Variants in NHSL2 observed in about 807,000 individuals in gnomAD.
NHSL2 encodes the protein NHS-like protein 2.
In NHSL2, 27 loss-of-function variants were observed where a neutral mutation model predicts 53.4. The ratio of observed to expected loss-of-function variants is 0.51; its 90% CI spans 0.37 to 0.70. The LOEUF is 0.70. NHSL2 is among the 30% of genes least tolerant of loss of function. The probability of loss-of-function intolerance (pLI) is 0.00; values close to 1 mark genes in which losing one functional copy is unlikely to be tolerated. For missense variants in NHSL2, 892 were observed against 980.1 expected, an observed-to-expected ratio of 0.91 and a Z score of 1.20; for synonymous variants, 408 against 404.1, an observed-to-expected ratio of 1.01 and a Z score of -0.12.
chrX:72,131,578 G>C, intron 1 of NHSL2: 1 of 1,138,170 alleles, frequency 8.8e-7, no homozygotes. Context: ...CCGTGGTGGG[G>C]AAAGGGGAAC....
chrX:71,938,319 C>T (rs1250641207), intron 1 of NHSL2, among the ~76,000 whole-genome samples: 1 of 112,122 alleles, frequency 8.9e-6, no homozygotes, highest in Non-Finnish European at 1.9e-5. Flanking sequence ...CAGCCAGAGC[C>T]CCCTTCCCCT....
At chrX:72,071,958 G>A (rs935007886) in intron 1 of NHSL2, among the ~76,000 whole-genome samples, 37 of 112,239 alleles carry the variant, frequency 3.3e-4, no homozygotes, top group African/African-American at 1.1e-3. Context: ...GGTCACTCTC[G>A]CTTATTCCAG....
In NHSL2 at chrX:72,137,113, T is replaced by C. The variant is rs1189083140; in HGVS notation, c.780T>C (p.His260=). ...INISGQQFDK[H]ASLRHSLFNT... is the part of the protein sequence containing the mutation. The stretch of plus-strand genomic sequence containing the variant: ...CTACAGGGCAGCAGTTTGATAAACA[T>C]GCAAGTTTGCGACACTCGTTGTTTA... Residue 260 remains histidine, a synonymous_variant, in exon 5 of 8, where the codon CAT becomes CAC. Transcript: ENST00000633930. 1 of 1,165,282 alleles carries C rather than the reference T, an allele frequency of 8.6e-7. No individual in the cohort carries two copies. Among genetic ancestry groups the C allele is most frequent in the African/African-American group, 1.8e-5 (1 of 55,911 alleles).
chrX:72,106,701 T>C (rs752309469), intron 1 of NHSL2, among the ~76,000 whole-genome samples: 1 of 111,988 alleles, frequency 8.9e-6, no homozygotes, highest in East Asian at 2.8e-4. Flanking sequence ...AATAGCAGAC[T>C]TGAAACCAAC....
intron 1 of NHSL2, among the ~76,000 whole-genome samples, chrX:71,966,353 A>T (rs1412641440): frequency 8.9e-6 from 1 of 112,025 alleles, no homozygotes; most frequent in Non-Finnish European, 1.9e-5. Flanking sequence ...GCAAGTGGTG[A>T]GAGGGGACAT....
In NHSL2 at chrX:72,143,760, C is replaced by G; in HGVS notation, c.*186C>G. Reference sequence around the variant, plus strand: ...AAATCATCTGGCACTTAATCATCTTCAGACATTTTTATGTTTTCATACTTA... The same window carrying G: ...AAATCATCTGGCACTTAATCATCTTGAGACATTTTTATGTTTTCATACTTA... On this transcript the variant is annotated 3_prime_UTR_variant, in exon 8 of 8. Coordinates refer to ENST00000633930, the MANE Select transcript of NHSL2 (RefSeq NM_001013627.3). 1 of 377,522 alleles carries G rather than the reference C, an allele frequency of 2.6e-6. No homozygotes were observed. The highest frequency in any genetic ancestry group is 4.6e-6 in the Non-Finnish European group (1 of 217,048). The allele number at this position is 377,522 out of a possible 1,213,427, so 31.1% of individuals were successfully genotyped here. A position where few individuals can be genotyped will look rare whatever the true frequency, so the allele number is the denominator to read the frequency against.
chrX:72,110,621 C>G (rs961265859), intron 1 of NHSL2, among the ~76,000 whole-genome samples: 1 of 106,848 alleles, frequency 9.4e-6, no homozygotes, highest in Non-Finnish European at 1.9e-5. Flanking sequence ...CCTGTGGTCT[C>G]AAGAGGGAGG....
Position 71,983,195 on chromosome X carries a change from C to T in NHSL2, c.280+71828C>T, listed in dbSNP as rs142886440. ...AAACAGTTTGTTTTTCCACTATCAC[C>T]GGGAAATGATCTAAAATTCACTATG... is the stretch of plus-strand genomic sequence containing the variant. On this transcript the variant is annotated intron_variant, in intron 1 of 7. Coordinates refer to ENST00000633930, the MANE Select transcript of NHSL2 (RefSeq NM_001013627.3). 8.8e-4 allele frequency among the ~76,000 whole-genome samples: 98 copies of T among 111,073 alleles called. No homozygotes were observed. The East Asian group carries it at 0.025, about 28-fold the overall frequency.
In NHSL2 at chrX:71,989,327, C is replaced by T. The variant is rs901308198; in HGVS notation, c.280+77960C>T. 1.8e-4 allele frequency among the ~76,000 whole-genome samples: 13 copies of T among 73,541 alleles called. No homozygotes were observed. In the South Asian group the frequency reaches 4.5e-3, roughly 26 times the overall value. The allele number at this position is 73,541 out of a possible 115,157, so 63.9% of individuals were successfully genotyped here. On this transcript the variant is annotated intron_variant, in intron 1 of 7. Transcript: ENST00000633930. Reference sequence around the variant, plus strand: ...TCGCTCCACTGCACTCCAGCCTGGGCGACAGAGCAAGACTCCGTCTCAAAA... The same window carrying T: ...TCGCTCCACTGCACTCCAGCCTGGGTGACAGAGCAAGACTCCGTCTCAAAA...
At chrX:72,037,799 G>A (rs763516514) in intron 1 of NHSL2, among the ~76,000 whole-genome samples, 2 of 111,847 alleles carry the variant, frequency 1.8e-5, no homozygotes, top group Non-Finnish European at 3.8e-5. Flanking sequence ...GCAGGGCAGA[G>A]GGTGCCTCAC....
At chrX:71,925,901 T>C (rs1390690366) in intron 1 of NHSL2, among the ~76,000 whole-genome samples, 3 of 111,801 alleles carry the variant, frequency 2.7e-5, no homozygotes, top group African/African-American at 9.8e-5. Context: ...GGAATAGATT[T>C]TACTGAAAGC....
chrX:71,934,669 C>G (rs1004981655), intron 1 of NHSL2, among the ~76,000 whole-genome samples: 74 of 111,934 alleles, frequency 6.6e-4, no homozygotes, highest in Non-Finnish European at 2.8e-4. Flanking sequence ...TGGAAGGAGG[C>G]CTGGTTCAGA....
intron 1 of NHSL2, among the ~76,000 whole-genome samples, chrX:71,945,091 T>G (rs909577094): frequency 4.5e-5 from 5 of 111,434 alleles, no homozygotes; most frequent in African/African-American, 1.3e-4. Context: ...CCAAGATGTA[T>G]TTTTTGAAAT....
Position 72,147,707 on chromosome X carries a change from T to A in NHSL2, c.*4133T>A, listed in dbSNP as rs1323988437. On this transcript the variant is annotated 3_prime_UTR_variant, in exon 8 of 8. Coordinates refer to ENST00000633930, the MANE Select transcript of NHSL2 (RefSeq NM_001013627.3). Reference sequence around the variant, plus strand: ...AGGATCCTCCCTCTCCTCTTTCTGCTCCATTCTCCTAAACCTTGCTTCCCA... The same window carrying A: ...AGGATCCTCCCTCTCCTCTTTCTGCACCATTCTCCTAAACCTTGCTTCCCA... 1 of 111,814 alleles carries A rather than the reference T, an allele frequency of 8.9e-6. No homozygotes were observed. The highest frequency in any genetic ancestry group is 1.9e-5 in the Non-Finnish European group (1 of 53,184). 9.2% of individuals were successfully genotyped at this position (111,814 alleles called of 1,213,427 possible). A position where few individuals can be genotyped will look rare whatever the true frequency, so the allele number is the denominator to read the frequency against.
chrX:71,940,294 T>A (rs781709036), intron 1 of NHSL2, among the ~76,000 whole-genome samples: 13 of 112,302 alleles, frequency 1.2e-4, no homozygotes, highest in Admixed American at 1.9e-4. Context: ...CGAGAAATTG[T>A]TGGTGAGACT....
rs766144046 is a variant in NHSL2 at position 72,049,015 on chromosome X, G to GAAGAAGAAGAAGAAGAAGAA, written c.281-83064_281-83063insAAGAAGAAGAAGAAGAAGAA. On this transcript the variant is annotated intron_variant, in intron 1 of 7. Transcript: ENST00000633930. ...AAGAAGAAGAAGAAGAAGAAGAAGA[G>GAAGAAGAAGAAGAAGAAGAA]GAAGAGGAAGAGGAAGAGGAAGAGG... is the stretch of plus-strand genomic sequence containing the variant. 3.0e-3 allele frequency among the ~76,000 whole-genome samples: 251 copies of GAAGAAGAAGAAGAAGAAGAA among 82,755 alleles called. 3 individuals are homozygous for GAAGAAGAAGAAGAAGAAGAA. Among genetic ancestry groups the GAAGAAGAAGAAGAAGAAGAA allele is most frequent in the African/African-American group, 0.015 (202 of 13,359 alleles). The allele number at this position is 82,755 out of a possible 115,157, so 71.9% of individuals were successfully genotyped here.
intron 1 of NHSL2, among the ~76,000 whole-genome samples, chrX:72,119,880 G>C (rs1339498952): frequency 8.9e-6 from 1 of 112,278 alleles, no homozygotes; most frequent in Non-Finnish European, 1.9e-5. Flanking sequence ...GCTGTTGTTG[G>C]TTTTTTATAG....
intron 1 of NHSL2, among the ~76,000 whole-genome samples, chrX:71,963,816 G>T (rs1440046065): frequency 9.7e-6 from 1 of 103,186 alleles, no homozygotes; most frequent in Non-Finnish European, 2.0e-5. Flanking sequence ...CAAGCTATTT[G>T]GGAGGCTGAG....
At chrX:72,107,349 C>T (rs1351199651) in intron 1 of NHSL2, among the ~76,000 whole-genome samples, 1 of 112,155 alleles carries the variant, frequency 8.9e-6, no homozygotes, top group Non-Finnish European at 1.9e-5. Context: ...CTTAAAAAAT[C>T]TTAAGATCTG....
Sources: allele counts gnomAD v4.1 joint callset (sites outside exome capture counted in the v4.1 genomes callset), GRCh38; gene constraint gnomAD v4.1.1; transcripts MANE v1.5; gene names NCBI Gene and HGNC (gene_info 2026-07-23, HGNC 2026-07-21).